Variants in SGK1 observed in about 807,000 individuals in gnomAD.
SGK1 encodes serine/threonine-protein kinase Sgk1.
A neutral mutation model predicts 64.2 loss-of-function variants in SGK1; 26 were observed. That is an observed-to-expected ratio of 0.40 (90% CI 0.30 to 0.56). SGK1 has a LOEUF of 0.56. Among genes scored for constraint, SGK1 ranks in the 20% least tolerant of loss-of-function variants. The pLI, the probability that SGK1 is intolerant of heterozygous loss-of-function variation, is 0.38. For missense variants in SGK1, 519 were observed against 645.6 expected (o/e 0.80, Z 2.12); for synonymous variants, 265 against 239.7 (o/e 1.11, Z -0.98).
chr6:134,211,877 G>GAAA (rs573091377), intron 2 of SGK1, among the ~76,000 whole-genome samples: 17 of 81,590 alleles, frequency 2.1e-4, no homozygotes, highest in Non-Finnish European at 3.2e-4. Flanking sequence ...CGTCTACAAG[G>GAAA]AAAAAAAAAA....
intron 1 of SGK1, among the ~76,000 whole-genome samples, chr6:134,270,654 G>A (rs549219641): frequency 2.7e-5 from 4 of 148,280 alleles, no homozygotes. Context: ...CCTTGACCTA[G>A]TTGCATCCTC....
intron 2 of SGK1, among the ~76,000 whole-genome samples, chr6:134,231,616 A>T (rs1036694810): frequency 2.0e-5 from 3 of 152,262 alleles, no homozygotes; most frequent in African/African-American, 7.2e-5. Flanking sequence ...CAAATAAATA[A>T]TTCATAAATC....
At chr6:134,280,611 T>C (rs1777079227) in intron 1 of SGK1, among the ~76,000 whole-genome samples, 1 of 152,190 alleles carries the variant, frequency 6.6e-6, no homozygotes, top group Admixed American at 6.5e-5. Flanking sequence ...CCTCCCTAGA[T>C]TGTAAATTCT....
intron 2 of SGK1, among the ~76,000 whole-genome samples, chr6:134,225,319 C>CCAG (rs1388210809): frequency 2.7e-5 from 4 of 148,998 alleles, no homozygotes; most frequent in Non-Finnish European, 5.9e-5. Flanking sequence ...CCACTGCACT[C>CCAG]CAGCCTGGGT....
At chr6:134,260,830 T>TA (rs941913642) in intron 2 of SGK1, 2 of 152,106 alleles carry the variant, frequency 1.3e-5, no homozygotes, top group African/African-American at 4.8e-5. Context: ...TTGCTAAAAA[T>TA]AAAAAAGGTG....
chr6:134,279,021 G>A (rs1011012676), intron 1 of SGK1, among the ~76,000 whole-genome samples: 2 of 152,228 alleles, frequency 1.3e-5, no homozygotes, highest in African/African-American at 4.8e-5. Context: ...TTTAAAAAGT[G>A]TAGGCAAGGT....
At chr6:134,204,661 C>T (rs1420869483) in intron 3 of SGK1, among the ~76,000 whole-genome samples, 5 of 150,798 alleles carry the variant, frequency 3.3e-5, no homozygotes, top group Non-Finnish European at 5.9e-5. Flanking sequence ...TCAAGTGATT[C>T]TCCCGCCTCA....
intron 2 of SGK1, among the ~76,000 whole-genome samples, chr6:134,208,477 A>G (rs1345716753): frequency 6.6e-6 from 1 of 151,962 alleles, no homozygotes; most frequent in Non-Finnish European, 1.5e-5. Flanking sequence ...GGTGCACCCA[A>G]CACCCAAGCA....
intron 1 of SGK1, among the ~76,000 whole-genome samples, chr6:134,313,461 A>C (rs1006509939): frequency 6.6e-6 from 1 of 152,138 alleles, no homozygotes; most frequent in African/African-American, 2.4e-5. Flanking sequence ...AAGATAAAAC[A>C]TGGTTATTTT....
chr6:134,270,707 C>CGGAGGAT lies in SGK1; in HGVS notation c.70-8566_70-8560dup, dbSNP rs564442632. 9.0e-4 allele frequency among the ~76,000 whole-genome samples: 134 copies of CGGAGGAT among 148,138 alleles called. 2 individuals are homozygous for CGGAGGAT. Among genetic ancestry groups the CGGAGGAT allele is most frequent in the African/African-American group, 3.2e-3 (131 of 41,242 alleles). On this transcript the variant is annotated intron_variant, in intron 1 of 13. Transcript: ENST00000367858. ...CCAACCTGTGTCTCCAGGCCTAGTC[C>CGGAGGAT]GGAGGATGGAGTGGTGGGGAGGACT...
rs775140587 is a variant in SGK1, at chr6:134,174,526, G to C, written c.422C>G (p.Ser141Cys). 1 of 1,612,846 alleles carries C rather than the reference G, an allele frequency of 6.2e-7. No homozygotes were observed. The highest frequency in any genetic ancestry group is 8.5e-7 in the Non-Finnish European group (1 of 1,178,838). Reference protein sequence around the residue: ...NDFIQKIANNSYACKHPEVQS... With the variant: ...NDFIQKIANNCYACKHPEVQS... ...TCAAACTTACTGTTTGCATGCATAG[G>C]AGTTATTGGCAATCTTCTGAATAAA... Residue 141 changes from serine (S) to cysteine (C), a missense_variant, in exon 4 of 14, where the codon TCC (serine) becomes TGC (cysteine). By Grantham distance (112) the Ser-to-Cys change is moderately radical. This residue lies in a region of SGK1 where 241 missense variants were observed against 236.9 expected (regional missense o/e 1.02). Coordinates refer to ENST00000367858, the MANE Select transcript of SGK1 (RefSeq NM_001143676.3).
At chr6:134,236,108 T>C (rs943857744) in intron 2 of SGK1, among the ~76,000 whole-genome samples, 1 of 152,128 alleles carries the variant, frequency 6.6e-6, no homozygotes, top group Non-Finnish European at 1.5e-5. Context: ...TATATTTTAA[T>C]GTACAGTAAA....
chr6:134,248,899 T>C (rs1776565340), intron 2 of SGK1, among the ~76,000 whole-genome samples: 1 of 152,160 alleles, frequency 6.6e-6, no homozygotes, highest in Non-Finnish European at 1.5e-5. Flanking sequence ...CAACTACTAT[T>C]CTCTGAAGCT....
chr6:134,241,728 C>A (rs1487841860), intron 2 of SGK1, among the ~76,000 whole-genome samples: 1 of 152,208 alleles, frequency 6.6e-6, no homozygotes, highest in African/African-American at 2.4e-5. Context: ...TCAGGCCATT[C>A]TCCTGCCTCA....
At chr6:134,177,287 A>G (rs189711900) in intron 3 of SGK1, among the ~76,000 whole-genome samples, 2 of 152,312 alleles carry the variant, frequency 1.3e-5, no homozygotes, top group Admixed American at 1.3e-4. Context: ...TGACATGCCA[A>G]CCTAAAGCAA....
chr6:134,261,654 G>A, intron 2 of SGK1: 1 of 582,036 alleles, frequency 1.7e-6, no homozygotes, highest in Non-Finnish European at 3.0e-6. Context: ...AATGTTGATG[G>A]CAAAGTAGGT....
At chr6:134,256,757 AT>A (rs1203437689) in intron 2 of SGK1, among the ~76,000 whole-genome samples, 1 of 152,276 alleles carries the variant, frequency 6.6e-6, no homozygotes, top group East Asian at 1.9e-4. Context: ...TCCCAGGAAG[AT>A]TTGTTTAATT....
intron 3 of SGK1, among the ~76,000 whole-genome samples, chr6:134,184,106 G>C (rs113357522): frequency 0.011 from 1,706 of 152,054 alleles, 37 homozygotes; most frequent in African/African-American, 0.039. Context: ...GCTAGTGTCT[G>C]CCCGAGGGAC....
rs1032068933 is a variant in SGK1, at chr6:134,191,979, C to T, written c.361+15377G>A. Among the ~76,000 whole-genome samples the T allele has an allele frequency of 4.0e-5, 6 of 151,756 alleles. No individual in the cohort carries two copies. The East Asian group carries it at 7.7e-4, about 20-fold the overall frequency. On this transcript the variant is annotated intron_variant, in intron 3 of 13. Coordinates refer to ENST00000367858, the MANE Select transcript of SGK1 (RefSeq NM_001143676.3). ...CCTCCCAAGTAGCTGGGACGGGGCC[C>T]GCCACCATGCCCAGCTAATTTTTGT...
Sources: gnomAD v4.1 joint callset for allele counts (sites outside exome capture counted in the v4.1 genomes callset) on GRCh38, gnomAD v4.1.1 for gene constraint, gnomAD v4.1.1 regional missense constraint, MANE v1.5 for transcripts, NCBI Gene and HGNC (gene_info 2026-07-23, HGNC 2026-07-21) for gene names.